EML6: variants seen among roughly 807,000 people sequenced by gnomAD.
The protein encoded by EML6 is echinoderm microtubule-associated protein-like 6.
EML6 carries 154 observed loss-of-function variants against 240.1 expected under a neutral mutation model. That is an observed-to-expected ratio of 0.64 (90% CI 0.56 to 0.73). The LOEUF is 0.73. EML6 is among the 30% of genes least tolerant of loss of function. The pLI is 0.00. For synonymous variants in EML6, 1,148 were observed against 899.0 expected (o/e 1.28, Z -4.95); for missense variants, 2,964 against 2,474.6 (o/e 1.20, Z -4.20).
At chr2:54,829,036 CATAAA>C (rs1367646555) in intron 6 of EML6, among the ~76,000 whole-genome samples, 1 of 152,182 alleles carries the variant, frequency 6.6e-6, no homozygotes, top group East Asian at 1.9e-4. Context: ...CCACTTATCA[CATAAA>C]ATAATTTGAT....
At chr2:54,785,891 C>A (rs1669061058) in intron 2 of EML6, among the ~76,000 whole-genome samples, 1 of 151,672 alleles carries the variant, frequency 6.6e-6, no homozygotes, top group African/African-American at 2.4e-5. Flanking sequence ...AGTGAACCAG[C>A]ACATTTCAAG....
At chr2:54,752,279 T>A (rs909715090) in intron 2 of EML6, among the ~76,000 whole-genome samples, 1 of 152,206 alleles carries the variant, frequency 6.6e-6, no homozygotes, top group Non-Finnish European at 1.5e-5. Context: ...GAACCCCAAA[T>A]ATCTGTTCAC....
intron 5 of EML6, among the ~76,000 whole-genome samples, chr2:54,822,064 C>G (rs768063618): frequency 4.6e-5 from 7 of 152,096 alleles, no homozygotes; most frequent in Non-Finnish European, 8.8e-5. Context: ...CTGGGTTGTT[C>G]TCAAAATGCA....
At chr2:54,945,016 AC>A (rs1188787015) in intron 28 of EML6, among the ~76,000 whole-genome samples, 1 of 25,310 alleles carries the variant, frequency 4.0e-5, no homozygotes, top group Non-Finnish European at 7.8e-5. Flanking sequence ...ATTCCTCCCT[AC>A]CCCCCTCCTT....
chr2:54,749,355 A>G (rs930497198), intron 2 of EML6, among the ~76,000 whole-genome samples: 2 of 152,172 alleles, frequency 1.3e-5, no homozygotes, highest in African/African-American at 4.8e-5. Context: ...TTATATTCAA[A>G]TATAATAATC....
chr2:54,732,890 T>A (rs958162533), intron 2 of EML6, among the ~76,000 whole-genome samples: 14 of 152,382 alleles, frequency 9.2e-5, no homozygotes, highest in Non-Finnish European at 1.5e-4. Context: ...TTTTGCTTTT[T>A]AAAAATGATT....
intron 33 of EML6, 150 bp from the exon 34 acceptor site, chr2:54,958,954 G>A: frequency 1.4e-6 from 1 of 693,652 alleles, no homozygotes; most frequent in Non-Finnish European, 2.3e-6. Context: ...TGATTTCTTT[G>A]CAAATTCTGC....
intron 7 of EML6, among the ~76,000 whole-genome samples, chr2:54,829,915 C>T (rs1471687565): frequency 6.6e-6 from 1 of 152,170 alleles, no homozygotes; most frequent in Non-Finnish European, 1.5e-5. Context: ...GGGGTGGGTT[C>T]AAACTCTTTT....
At chr2:54,935,456 T>C (rs1023992107) in intron 28 of EML6, among the ~76,000 whole-genome samples, 2 of 152,242 alleles carry the variant, frequency 1.3e-5, no homozygotes, top group Non-Finnish European at 2.9e-5. Flanking sequence ...TTTTATTACC[T>C]AGTATTATAT....
intron 10 of EML6, among the ~76,000 whole-genome samples, chr2:54,852,440 TACC>T (rs962174346): frequency 6.6e-6 from 1 of 152,244 alleles, no homozygotes; most frequent in Non-Finnish European, 1.5e-5. Context: ...AATAATAAAA[TACC>T]ATCCTGTTCA....
chr2:54,953,878 C>T (rs1676103718), intron 31 of EML6, 105 bp from the exon 32 acceptor site: 9 of 940,322 alleles, frequency 9.6e-6, no homozygotes, highest in Non-Finnish European at 1.4e-5. Context: ...CAGAGCAAGA[C>T]TCTGTCTAAA....
intron 16 of EML6, among the ~76,000 whole-genome samples, chr2:54,872,714 G>A (rs1671318550): frequency 6.6e-6 from 1 of 152,160 alleles, no homozygotes; most frequent in African/African-American, 2.4e-5. Flanking sequence ...GTCTAACTGT[G>A]GAGGCTACAT....
Position 54,725,153 on chromosome 2 carries a change from C to A in EML6, c.92C>A (p.Thr31Lys). 6.5e-7 allele frequency: 1 copy of A among 1,536,200 alleles called. No homozygotes were observed. The highest frequency in any genetic ancestry group is 1.7e-4 in the Middle Eastern group (1 of 5,942). ...GHQCRNNLYY[T>K]AGKEVVYFVA... ...CAGTGCCGCAACAACCTGTACTACACGGCAGGCAAGGAGGTGGTCTACTTT... is the reference window on the plus strand; with the variant it reads ...CAGTGCCGCAACAACCTGTACTACAAGGCAGGCAAGGAGGTGGTCTACTTT... Residue 31 changes from threonine to lysine, a missense_variant, in exon 2 of 42, where the codon ACG (threonine) becomes AAG (lysine). Physicochemically the swap from Thr to Lys is moderately conservative, Grantham distance 78 (BLOSUM62 -1). Coordinates refer to ENST00000356458, the MANE Select transcript of EML6 (RefSeq NM_001039753.4). The surrounding 1 kb of genome is among the most constrained non-coding windows in gnomAD (Gnocchi z 4.3).
chr2:54,742,628 A>G (rs1021818394), intron 2 of EML6, among the ~76,000 whole-genome samples: 1 of 152,206 alleles, frequency 6.6e-6, no homozygotes, highest in Non-Finnish European at 1.5e-5. Context: ...TATGTGGTGG[A>G]AAAAGCTAGG....
At chr2:54,910,802 T>C (rs1221803775) in intron 24 of EML6, among the ~76,000 whole-genome samples, 152 bp from the exon 25 acceptor site, 1 of 152,262 alleles carries the variant, frequency 6.6e-6, no homozygotes, top group African/African-American at 2.4e-5. Flanking sequence ...TGTAATTGGC[T>C]GTACATGCCC....
chr2:54,869,774 A>G (rs539448109), intron 15 of EML6, among the ~76,000 whole-genome samples: 46 of 152,352 alleles, frequency 3.0e-4, no homozygotes, highest in African/African-American at 1.0e-3. Flanking sequence ...ACTGAAAACC[A>G]TAAGACTTTT....
intron 7 of EML6, among the ~76,000 whole-genome samples, chr2:54,842,255 C>T (rs1026597084): frequency 6.6e-6 from 1 of 152,142 alleles, no homozygotes; most frequent in African/African-American, 2.4e-5. Flanking sequence ...TATCTCTCTG[C>T]CCCAGATTTT....
chr2:54,820,239 C>T (rs1054483695), intron 4 of EML6, among the ~76,000 whole-genome samples, 155 bp from the exon 5 acceptor site: 4 of 152,178 alleles, frequency 2.6e-5, no homozygotes, highest in Admixed American at 2.6e-4. Flanking sequence ...TGTGTTAGTT[C>T]CTGACTCATT....
intron 17 of EML6, chr2:54,882,163 C>T (rs1294844020): frequency 6.6e-6 from 1 of 152,168 alleles, no homozygotes; most frequent in Non-Finnish European, 1.5e-5. Context: ...ATTTTATTTT[C>T]AAGATCTCTG....
Sources: allele counts gnomAD v4.1 joint callset (sites outside exome capture counted in the v4.1 genomes callset), GRCh38; gene constraint gnomAD v4.1.1; non-coding constraint Gnocchi (gnomAD v3.1); transcripts MANE v1.5; gene names NCBI Gene and HGNC (gene_info 2026-07-23, HGNC 2026-07-21).